Variants in ZNF865 observed in about 807,000 individuals in gnomAD.
ZNF865 encodes the protein zinc finger protein 865.
For synonymous variants in ZNF865, 763 were observed against 750.8 expected (o/e 1.02, Z -0.27); for missense variants, 1,311 against 1,593.4 (o/e 0.82, Z 3.02).
intron 1 of ZNF865, among the ~76,000 whole-genome samples, chr19:55,612,020 G>C (rs999359328): frequency 4.6e-5 from 7 of 152,024 alleles, no homozygotes; most frequent in African/African-American, 7.3e-5. Context: ...AGGACATGGG[G>C]GGGTCAGGAG....
In ZNF865 at chr19:55,615,136, GGCGGCGGCC is replaced by G. The variant is rs1252145112; in HGVS notation, c.1527_1535del (p.Ala510_Ala512del). On this transcript the variant is annotated inframe_deletion, in exon 2 of 2. Transcript: ENST00000568956. Reference sequence around the variant, plus strand: ...CTCCCACCACAGACAGCGAGAAGGCGGCGGCGGCCGCGGCGGCGGTGGTGTACGGCGCTG... The same window carrying G: ...CTCCCACCACAGACAGCGAGAAGGCGGCGGCGGCGGTGGTGTACGGCGCTG... The G allele has an allele frequency of 2.0e-4, 233 of 1,192,182 alleles. 1 individual carries two copies. Among genetic ancestry groups the G allele is most frequent in the East Asian group, 6.9e-4 (16 of 23,156 alleles). 73.9% of individuals were successfully genotyped at this position (1,192,182 alleles called of 1,614,324 possible).
chr19:55,613,487 A>AG, intron 1 of ZNF865, 106 bp from the exon 2 acceptor site: 1 of 1,072,358 alleles, frequency 9.3e-7, no homozygotes. Flanking sequence ...CTGGAAGGCT[A>AG]GGGGGTGATC....
chr19:55,608,610 A>T (rs1202350196), intron 1 of ZNF865, among the ~76,000 whole-genome samples: 1 of 151,970 alleles, frequency 6.6e-6, no homozygotes, highest in Non-Finnish European at 1.5e-5. Context: ...CACCGTGCCC[A>T]GTCAGGACTG....
intron 1 of ZNF865, among the ~76,000 whole-genome samples, chr19:55,607,138 C>T (rs1258430449): frequency 2.0e-5 from 3 of 152,138 alleles, no homozygotes; most frequent in Admixed American, 2.0e-4. Flanking sequence ...GTCAGCTCTA[C>T]CGAGCCCAGA....
chr19:55,617,061 C>A lies in ZNF865; in HGVS notation c.*263C>A. The stretch of plus-strand genomic sequence containing the variant: ...TTGTGACCCGCATCAGCCCCCGCCC[C>A]AGCAGCACTCTGCCCCCAGTAAGTT... On this transcript the variant is annotated 3_prime_UTR_variant, in exon 2 of 2. Transcript: ENST00000568956. 1 of 394,396 alleles carries A rather than the reference C, an allele frequency of 2.5e-6. No homozygotes were observed. The allele number at this position is 394,396 out of a possible 1,614,324, so 24.4% of individuals were successfully genotyped here.
intron 1 of ZNF865, among the ~76,000 whole-genome samples, chr19:55,606,728 G>T (rs1011932326): frequency 6.6e-6 from 1 of 152,186 alleles, no homozygotes; most frequent in Non-Finnish European, 1.5e-5. Context: ...TGCGTTGAAC[G>T]CATATTCACT....
In ZNF865 at chr19:55,611,166, A is replaced by G. The variant is rs1981120454; in HGVS notation, c.-26-2427A>G. Among the ~76,000 whole-genome samples, 1 of 152,106 alleles carries G rather than the reference A, an allele frequency of 6.6e-6. No homozygotes were observed. The highest frequency in any genetic ancestry group is 2.4e-5 in the African/African-American group (1 of 41,398). ...CATGCCTTAGTTTTCTAATTTATCC[A>G]ACGGCGGGAACAGCTGCCCCTATTT... On this transcript the variant is annotated intron_variant, in intron 1 of 1. Transcript: ENST00000568956. This position sits in a 1 kb window ranked among gnomAD's most constrained non-coding sequence, Gnocchi z 4.5.
intron 1 of ZNF865, among the ~76,000 whole-genome samples, chr19:55,610,796 A>G (rs1981105387): frequency 6.6e-6 from 1 of 152,180 alleles, no homozygotes; most frequent in Non-Finnish European, 1.5e-5. Flanking sequence ...ACTATAATGA[A>G]ACACCTGCGG....
chr19:55,613,560 G>A, intron 1 of ZNF865, 33 bp from the exon 2 acceptor site: 2 of 1,453,278 alleles, frequency 1.4e-6, no homozygotes, highest in East Asian at 2.5e-5. Flanking sequence ...CAGCGCCGCG[G>A]CCGTGTCCTC....
rs1981380381 is a variant in ZNF865, at chr19:55,616,857, G to C, written c.*59G>C. On this transcript the variant is annotated 3_prime_UTR_variant, in exon 2 of 2. Coordinates refer to ENST00000568956, the MANE Select transcript of ZNF865 (RefSeq NM_001195605.2). ...CCCCTTCTGGACTCCCACCTCCCAG[G>C]ACTGATCAGACTCTTCCCCCCTCCT... 7.2e-7 allele frequency: 1 copy of C among 1,398,106 alleles called. No homozygotes were observed. The highest frequency in any genetic ancestry group is 2.7e-5 in the East Asian group (1 of 37,176). 86.6% of individuals were successfully genotyped at this position (1,398,106 alleles called of 1,614,324 possible).
At chr19:55,608,562 C>T (rs575345104) in intron 1 of ZNF865, among the ~76,000 whole-genome samples, 1 of 152,150 alleles carries the variant, frequency 6.6e-6, no homozygotes, top group East Asian at 1.9e-4. Context: ...GATCCGCCTG[C>T]CTTGGCCTCC....
rs1307825277 is a variant in ZNF865, at chr19:55,615,533, G to A, written c.1915G>A (p.Ala639Thr). The change falls in exon 2 of 2, where the codon GCA (alanine) becomes ACA (threonine). Residue 639 changes from alanine to threonine, a missense_variant. Coordinates refer to ENST00000568956, the MANE Select transcript of ZNF865 (RefSeq NM_001195605.2). The part of the protein sequence containing the change: ...RLQLPCALAG[A>T]AGLPSTQGTP... ...CCAGCTGCCCTGCGCCCTGGCCGGGGCAGCCGGCCTCCCCTCCACCCAAGG... is the reference window on the plus strand; with the variant it reads ...CCAGCTGCCCTGCGCCCTGGCCGGGACAGCCGGCCTCCCCTCCACCCAAGG... 4 of 1,506,980 alleles carry A rather than the reference G, an allele frequency of 2.7e-6. No homozygotes were observed. The highest frequency in any genetic ancestry group is 1.2e-5 in the South Asian group (1 of 80,382). 93.4% of individuals were successfully genotyped at this position (1,506,980 alleles called of 1,614,324 possible). A position where few individuals can be genotyped will look rare whatever the true frequency, so the allele number is the denominator to read the frequency against.
chr19:55,616,812 A>T lies in ZNF865; in HGVS notation c.*14A>T, dbSNP rs999704268. 8.4e-6 allele frequency: 12 copies of T among 1,436,226 alleles called. No individual in the cohort carries two copies. The highest frequency in any genetic ancestry group is 1.1e-5 in the Non-Finnish European group (12 of 1,100,094). The allele number at this position is 1,436,226 out of a possible 1,614,324, so 89.0% of individuals were successfully genotyped here. Reference sequence around the variant, plus strand: ...AAGGATGCCTGACCGAGGGGTTCCCATCCCACTCCCATCAAAAGCCCCCTT... The same window carrying T: ...AAGGATGCCTGACCGAGGGGTTCCCTTCCCACTCCCATCAAAAGCCCCCTT... On this transcript the variant is annotated 3_prime_UTR_variant, in exon 2 of 2. Transcript: ENST00000568956.
chr19:55,614,111 G>A lies in ZNF865; in HGVS notation c.493G>A (p.Gly165Arg). The A allele has an allele frequency of 7.0e-7, 1 of 1,434,350 alleles. No individual in the cohort carries two copies. The highest frequency in any genetic ancestry group is 9.1e-7 in the Non-Finnish European group (1 of 1,102,966). The allele number at this position is 1,434,350 out of a possible 1,614,324, so 88.9% of individuals were successfully genotyped here. ...GCACTTGTTTGGGAACCTGAAGCGAGGAGGGCCCGCGTCCGGGCCGGGGGT... is the reference window on the plus strand; with the variant it reads ...GCACTTGTTTGGGAACCTGAAGCGAAGAGGGCCCGCGTCCGGGCCGGGGGT... ...HQHLFGNLKR[G>R]GPASGPGVTP... The change falls in exon 2 of 2, where the codon GGA (glycine) becomes AGA (arginine). Residue 165 changes from glycine (G) to arginine (R), a missense_variant. By Grantham distance (125) the Gly-to-Arg change is moderately radical (BLOSUM62 -2). Transcript: ENST00000568956. The surrounding 1 kb of genome is among the most constrained non-coding windows in gnomAD (Gnocchi z 8.0).
In ZNF865 at chr19:55,611,957, T is replaced by C. The variant is rs1331715646; in HGVS notation, c.-26-1636T>C. Among the ~76,000 whole-genome samples, 1 of 151,440 alleles carries C rather than the reference T, an allele frequency of 6.6e-6. No individual in the cohort carries two copies. The highest frequency in any genetic ancestry group is 1.9e-4 in the East Asian group (1 of 5,150). ...GGAATGAAAAGTCGTGTAAAGGAGG[T>C]GCCAGAGAATGATGCCGGGGGTGGA... On this transcript the variant is annotated intron_variant, in intron 1 of 1. Coordinates refer to ENST00000568956, the MANE Select transcript of ZNF865 (RefSeq NM_001195605.2). This position sits in a 1 kb window ranked among gnomAD's most constrained non-coding sequence, Gnocchi z 4.5.
At chr19:55,610,600 T>C (rs1343615458) in intron 1 of ZNF865, among the ~76,000 whole-genome samples, 1 of 152,146 alleles carries the variant, frequency 6.6e-6, no homozygotes, top group East Asian at 1.9e-4. Context: ...GACCCATTGG[T>C]AATTTAGGAA....
rs765268629 is a variant in ZNF865 at position 55,616,163 on chromosome 19, C to A, written c.2545C>A (p.Arg849Ser). Reference protein sequence around the residue: ...RRSHRQKRGFRCPVCGKRFWE... With the variant: ...RRSHRQKRGFSCPVCGKRFWE... ...CAGCCATCGGCAGAAGCGGGGTTTC[C>A]GCTGCCCGGTGTGCGGGAAGCGCTT... Residue 849 changes from arginine to serine, a missense_variant, in exon 2 of 2, where the codon CGC becomes AGC. Transcript: ENST00000568956. 3.9e-5 allele frequency: 59 copies of A among 1,511,228 alleles called. No homozygotes were observed. The highest frequency in any genetic ancestry group is 1.0e-4 in the East Asian group (4 of 40,060). 93.6% of individuals were successfully genotyped at this position (1,511,228 alleles called of 1,614,324 possible).
Position 55,615,144 on chromosome 19 carries a change from C to T in ZNF865, c.1526C>T (p.Ala509Val). ...PTTDSEKAAA[A>V]AAAVVYGAVP... ...ACAGACAGCGAGAAGGCGGCGGCGG[C>T]CGCGGCGGCGGTGGTGTACGGCGCT... Residue 509 changes from alanine to valine, a missense_variant, in exon 2 of 2, where the codon GCC becomes GTC. Transcript: ENST00000568956. 2 of 1,192,504 alleles carry T rather than the reference C, an allele frequency of 1.7e-6. No individual in the cohort carries two copies. 73.9% of individuals were successfully genotyped at this position (1,192,504 alleles called of 1,614,324 possible).
At position 55,614,799 on chromosome 19, in the gene ZNF865, A is replaced by G; in HGVS notation, c.1181A>G (p.Lys394Arg). The change falls in exon 2 of 2, where the codon AAG becomes AGG. Residue 394 changes from lysine to arginine, a missense_variant. Physicochemically the swap from Lys to Arg is conservative, Grantham distance 26. Transcript: ENST00000568956. This position sits in a 1 kb window ranked among gnomAD's most constrained non-coding sequence, Gnocchi z 8.0. ...SKSFNRRESL[K>R]RHVKTHSADL... ...AGCTTCAACCGCAGGGAGAGTCTGA[A>G]GCGCCACGTGAAGACGCACTCGGCC... 1 of 1,550,858 alleles carries G rather than the reference A, an allele frequency of 6.4e-7. No individual in the cohort carries two copies. The highest frequency in any genetic ancestry group is 8.6e-7 in the Non-Finnish European group (1 of 1,157,180).
Sources: gnomAD v4.1 joint callset for allele counts (sites outside exome capture counted in the v4.1 genomes callset) on GRCh38, gnomAD v4.1.1 for gene constraint, Gnocchi (gnomAD v3.1) non-coding constraint, MANE v1.5 for transcripts, NCBI Gene and HGNC (gene_info 2026-07-23, HGNC 2026-07-21) for gene names.